Variants in GABPB2 observed in about 807,000 individuals in gnomAD.
The protein encoded by GABPB2 is GA binding protein transcription factor subunit beta 2.
In GABPB2, 23 loss-of-function variants were observed where a neutral mutation model predicts 39.1. That is an observed-to-expected ratio of 0.59 (90% CI 0.42 to 0.83). GABPB2 has a LOEUF of 0.83. Among genes scored for constraint, GABPB2 ranks in the 40% least tolerant of loss-of-function variants. The probability of loss-of-function intolerance (pLI) is 0.00; values close to 1 mark genes in which losing one functional copy is unlikely to be tolerated. For missense variants in GABPB2, 467 were observed against 541.1 expected (o/e 0.86, Z 1.36); for synonymous variants, 184 against 199.3 (o/e 0.92, Z 0.65).
intron 7 of GABPB2, among the ~76,000 whole-genome samples, chr1:151,107,595 G>T (rs587714980): frequency 6.6e-6 from 1 of 151,310 alleles, no homozygotes; most frequent in East Asian, 1.9e-4. Context: ...TCCGCCTCCT[G>T]GGTTCACGCA....
At chr1:151,100,580 C>CTT (rs35251516) in intron 5 of GABPB2, among the ~76,000 whole-genome samples, 23,788 of 46,724 alleles carry the variant, frequency 0.51, 10,230 homozygotes, top group East Asian at 0.79. Context: ...TGTGCCTGGC[C>CTT]TTTTTTTTTT....
intron 3 of GABPB2, among the ~76,000 whole-genome samples, chr1:151,092,254 G>A (rs1473697497): frequency 2.6e-5 from 4 of 151,546 alleles, no homozygotes; most frequent in Non-Finnish European, 5.9e-5. Flanking sequence ...CTACAGGCGT[G>A]CTCCACCACA....
At chr1:151,085,410 A>G (rs889173492) in intron 1 of GABPB2, among the ~76,000 whole-genome samples, 1 of 152,120 alleles carries the variant, frequency 6.6e-6, no homozygotes, top group Admixed American at 6.6e-5. Flanking sequence ...AAATAAAATA[A>G]TAAAATGATG....
intron 1 of GABPB2, among the ~76,000 whole-genome samples, chr1:151,085,785 G>C (rs1571910350): frequency 6.6e-6 from 1 of 152,132 alleles, no homozygotes; most frequent in African/African-American, 2.4e-5. Flanking sequence ...ACTTAATCGT[G>C]TAGTGCTTTT....
Position 151,107,226 on chromosome 1 carries a change from A to G in GABPB2, c.922+4A>G. Reference sequence around the variant, plus strand: ...ACTGTGCAAGATGGACAGCAAGGTGAGTTATCTCTTGTAGACAATTGTTTA... The same window carrying G: ...ACTGTGCAAGATGGACAGCAAGGTGGGTTATCTCTTGTAGACAATTGTTTA... On this transcript the variant is annotated splice_donor_region_variant and intron_variant, in intron 7 of 8. Transcript: ENST00000368918. 1.9e-6 allele frequency: 3 copies of G among 1,559,388 alleles called. No homozygotes were observed. The highest frequency in any genetic ancestry group is 2.6e-6 in the Non-Finnish European group (3 of 1,153,864).
intron 3 of GABPB2, among the ~76,000 whole-genome samples, chr1:151,092,303 A>C (rs1332196056): frequency 6.6e-6 from 1 of 151,180 alleles, no homozygotes; most frequent in Non-Finnish European, 1.5e-5. Context: ...GATGGGGTTT[A>C]ACCATGTTGG....
chr1:151,090,495 C>G lies in GABPB2; in HGVS notation c.198C>G (p.Ala66=). Residue 66 remains alanine (A), a synonymous_variant, in exon 3 of 9, where the codon GCC becomes GCG. Coordinates refer to ENST00000368918, the MANE Select transcript of GABPB2 (RefSeq NM_144618.3). ...TTCGAGCAGGTGTTAGCAGGGATGC[C>G]CGGACTAAAGTAGACAGGACCCCCT... is the stretch of plus-strand genomic sequence containing the variant. ...VLLRAGVSRD[A]RTKVDRTPLH... is the part of the protein sequence containing the mutation. 1.2e-6 allele frequency: 2 copies of G among 1,614,038 alleles called. No homozygotes were observed. Among genetic ancestry groups the G allele is most frequent in the African/African-American group, 2.7e-5 (2 of 75,016 alleles).
At chr1:151,108,443 A>AT (rs1401687453) in intron 7 of GABPB2, among the ~76,000 whole-genome samples, 1 of 152,066 alleles carries the variant, frequency 6.6e-6, no homozygotes, top group Non-Finnish European at 1.5e-5. Context: ...GAGTGCTGGG[A>AT]TTATAGGTAT....
chr1:151,101,131 T>C (rs1370519559), intron 5 of GABPB2, among the ~76,000 whole-genome samples: 1 of 150,942 alleles, frequency 6.6e-6, no homozygotes, highest in Admixed American at 6.6e-5. Context: ...TGCACACCTG[T>C]AGTCCCAGCT....
In GABPB2 at chr1:151,080,756, C is replaced by G. The variant is rs116575531; in HGVS notation, c.1-7434C>G. On this transcript the variant is annotated intron_variant, in intron 1 of 8. Coordinates refer to ENST00000368918, the MANE Select transcript of GABPB2 (RefSeq NM_144618.3). ...CCCAGCTACTCGGGAGACTGAAACA[C>G]AAGAATCACTTGAACCCAGGAGGTG... 8.7e-3 allele frequency among the ~76,000 whole-genome samples: 1,295 copies of G among 148,360 alleles called. 14 individuals are homozygous for G. Among genetic ancestry groups the G allele is most frequent in the African/African-American group, 0.031 (1,240 of 40,590 alleles).
Position 151,077,718 on chromosome 1 carries a change from C to T in GABPB2, c.-1+6784C>T, listed in dbSNP as rs184181700. 3.3e-3 allele frequency among the ~76,000 whole-genome samples: 479 copies of T among 147,056 alleles called. 1 individual carries two copies. Among genetic ancestry groups the T allele is most frequent in the Non-Finnish European group, 5.1e-3 (343 of 66,694 alleles). ...CTGTAATCCCAGCACTTTGGGAAAC[C>T]GAGGCAGGTGGATCACAAGGTCAGG... On this transcript the variant is annotated intron_variant, in intron 1 of 8. Transcript: ENST00000368918.
intron 7 of GABPB2, among the ~76,000 whole-genome samples, chr1:151,114,090 A>G (rs1018450284): frequency 6.6e-6 from 1 of 151,940 alleles, no homozygotes; most frequent in Non-Finnish European, 1.5e-5. Context: ...TCATGCCTAT[A>G]ATCCCAGCAC....
intron 7 of GABPB2, among the ~76,000 whole-genome samples, chr1:151,114,157 A>G (rs1255853373): frequency 6.6e-6 from 1 of 151,630 alleles, no homozygotes; most frequent in East Asian, 1.9e-4. Flanking sequence ...ATCAGCCTGG[A>G]CGATATGACG....
chr1:151,074,201 T>C (rs1185430741), intron 1 of GABPB2, among the ~76,000 whole-genome samples: 1 of 151,224 alleles, frequency 6.6e-6, no homozygotes, highest in Non-Finnish European at 1.5e-5. Flanking sequence ...GGTCTCGATC[T>C]CCTGACCTCG....
At chr1:151,089,934 A>G (rs1299733444) in intron 2 of GABPB2, among the ~76,000 whole-genome samples, 4 of 133,276 alleles carry the variant, frequency 3.0e-5, no homozygotes, top group South Asian at 5.2e-4. Flanking sequence ...GTCCATTAGC[A>G]TGTTAATTTT....
chr1:151,088,727 G>A (rs951299112), intron 2 of GABPB2, among the ~76,000 whole-genome samples: 5 of 152,176 alleles, frequency 3.3e-5, no homozygotes, highest in African/African-American at 7.2e-5. Flanking sequence ...TAGGCTGAGC[G>A]TGGTGGCTCA....
chr1:151,101,764 T>A (rs1482527654), intron 5 of GABPB2, among the ~76,000 whole-genome samples: 3 of 152,134 alleles, frequency 2.0e-5, no homozygotes, highest in Non-Finnish European at 4.4e-5. Flanking sequence ...GCAATAAATT[T>A]GTAACTGGCA....
At chr1:151,081,941 G>GCTTCATTCTTATATCTA (rs1362755414) in intron 1 of GABPB2, among the ~76,000 whole-genome samples, 1 of 151,514 alleles carries the variant, frequency 6.6e-6, no homozygotes, top group African/African-American at 2.4e-5. Context: ...CCAGTTGATA[G>GCTTCATTCTTATATCTA]CTTCATTCTT....
intron 1 of GABPB2, among the ~76,000 whole-genome samples, chr1:151,080,273 A>G (rs1434799496): frequency 1.4e-5 from 2 of 147,518 alleles, no homozygotes; most frequent in Non-Finnish European, 3.0e-5. Context: ...GGTGGTGGGC[A>G]GGCCAAGCTG....
Sources: allele counts gnomAD v4.1 joint callset (sites outside exome capture counted in the v4.1 genomes callset), GRCh38; gene constraint gnomAD v4.1.1; transcripts MANE v1.5; gene names NCBI Gene and HGNC (gene_info 2026-07-23, HGNC 2026-07-21).